LPP: variants seen among roughly 807,000 people sequenced by gnomAD.
The protein encoded by LPP is LIM domain containing preferred translocation partner in lipoma.
LPP carries 38 observed loss-of-function variants against 60.4 expected under a neutral mutation model. The ratio of observed to expected loss-of-function variants is 0.63; its 90% CI spans 0.49 to 0.83. The LOEUF is 0.83. Among genes scored for constraint, LPP ranks in the 40% least tolerant of loss-of-function variants. The pLI, the probability that LPP is intolerant of heterozygous loss-of-function variation, is 0.00. For synonymous variants in LPP, 328 were observed against 290.8 expected (o/e 1.13, Z -1.30); for missense variants, 902 against 783.6 (o/e 1.15, Z -1.80).
intron 7 of LPP, among the ~76,000 whole-genome samples, chr3:188,652,030 C>G (rs926939704): frequency 6.6e-6 from 1 of 152,152 alleles, no homozygotes; most frequent in Non-Finnish European, 1.5e-5. Context: ...AGTTACCTGA[C>G]CCTACCTCTG....
chr3:188,596,606 C>G (rs1580263332), intron 6 of LPP, among the ~76,000 whole-genome samples: 1 of 151,794 alleles, frequency 6.6e-6, no homozygotes, highest in Non-Finnish European at 1.5e-5. Context: ...AGAGTGTTTT[C>G]TGCAAAGAGG....
At chr3:188,224,512 G>C (rs1716991414) in intron 1 of LPP, among the ~76,000 whole-genome samples, 1 of 152,066 alleles carries the variant, frequency 6.6e-6, no homozygotes, top group Admixed American at 6.6e-5. Context: ...GGCTGTATTA[G>C]GCTATTCTAG....
chr3:188,526,664 G>A (rs1820671153), intron 6 of LPP, among the ~76,000 whole-genome samples: 1 of 152,148 alleles, frequency 6.6e-6, no homozygotes, highest in Admixed American at 6.5e-5. Flanking sequence ...TGGGATTCAT[G>A]GCAAAATATA....
intron 4 of LPP, among the ~76,000 whole-genome samples, chr3:188,406,669 C>T (rs779836435): frequency 3.3e-5 from 5 of 152,144 alleles, no homozygotes; most frequent in African/African-American, 1.2e-4. Flanking sequence ...TCCCTCTTGC[C>T]GTTGGACAAA....
At chr3:188,163,514 G>A (rs74768531) in intron 1 of LPP, among the ~76,000 whole-genome samples, 11,861 of 152,164 alleles carry the variant, frequency 0.078, 589 homozygotes, top group East Asian at 0.2. Context: ...CGGAGGATAC[G>A]TTATATGGTC....
chr3:188,748,019 A>G (rs1265814253), intron 8 of LPP, among the ~76,000 whole-genome samples: 2 of 152,156 alleles, frequency 1.3e-5, no homozygotes, highest in Non-Finnish European at 2.9e-5. Flanking sequence ...GTGTACTCAA[A>G]TCAGTCTTGC....
chr3:188,750,424 A>G (rs1384870547), intron 8 of LPP, among the ~76,000 whole-genome samples: 2 of 152,116 alleles, frequency 1.3e-5, no homozygotes, highest in African/African-American at 4.8e-5. Flanking sequence ...TGATGTCAGG[A>G]GTTTGAGACT....
At chr3:188,250,653 G>A (rs953253910) in intron 2 of LPP, among the ~76,000 whole-genome samples, 8 of 151,628 alleles carry the variant, frequency 5.3e-5, no homozygotes, top group Non-Finnish European at 1.0e-4. Flanking sequence ...TACTGTATGC[G>A]GGAGCCCCTT....
At chr3:188,556,579 C>T (rs1214928677) in intron 6 of LPP, among the ~76,000 whole-genome samples, 2 of 151,874 alleles carry the variant, frequency 1.3e-5, no homozygotes, top group East Asian at 1.9e-4. Context: ...GTGCTTGAGT[C>T]GGTTGCACTA....
intron 8 of LPP, among the ~76,000 whole-genome samples, chr3:188,721,617 G>A (rs1341213665): frequency 6.6e-6 from 1 of 152,130 alleles, no homozygotes; most frequent in Admixed American, 6.5e-5. Context: ...TTGAAATATT[G>A]AGAAATGTGG....
intron 7 of LPP, among the ~76,000 whole-genome samples, chr3:188,700,489 G>A (rs1382214020): frequency 6.6e-6 from 1 of 152,216 alleles, no homozygotes; most frequent in Non-Finnish European, 1.5e-5. Flanking sequence ...GGAGCCATTT[G>A]CACCTTAGTG....
In LPP at chr3:188,878,759, T is replaced by TAAAAAAAAAAAAAAAAAAAAAAAAA. The variant is rs11448997; in HGVS notation, c.*4296_*4297insAAAAAAAAAAAAAAAAAAAAAAAAA. On this transcript the variant is annotated 3_prime_UTR_variant, in exon 12 of 12. Coordinates refer to ENST00000617246, the MANE Select transcript of LPP (RefSeq NM_001375462.1). Reference sequence around the variant, plus strand: ...ATATACTCACCAAAAAGTAAAAAAGTAAAAAAAAAAAAAAAAGAAAGAAAG... The same window carrying TAAAAAAAAAAAAAAAAAAAAAAAAA: ...ATATACTCACCAAAAAGTAAAAAAGTAAAAAAAAAAAAAAAAAAAAAAAAAAAAAAAAAAAAAAAAAGAAAGAAAG... The TAAAAAAAAAAAAAAAAAAAAAAAAA allele has an allele frequency of 1.3e-5, 2 of 153,950 alleles. No individual in the cohort carries two copies. Among genetic ancestry groups the TAAAAAAAAAAAAAAAAAAAAAAAAA allele is most frequent in the Non-Finnish European group, 1.3e-5 (1 of 76,416 alleles). The allele number at this position is 153,950 out of a possible 1,614,324, so 9.5% of individuals were successfully genotyped here.
At chr3:188,368,300 C>G (rs917848173) in intron 3 of LPP, among the ~76,000 whole-genome samples, 3 of 152,046 alleles carry the variant, frequency 2.0e-5, no homozygotes, top group Admixed American at 2.0e-4. Flanking sequence ...CTGTGGCATA[C>G]TTTTTTTGCA....
intron 3 of LPP, among the ~76,000 whole-genome samples, chr3:188,395,927 T>A (rs965672697): frequency 8.7e-3 from 17 of 1,962 alleles, no homozygotes; most frequent in African/African-American, 0.015. Flanking sequence ...ATAATAATAA[T>A]GATAATAATA....
intron 9 of LPP, among the ~76,000 whole-genome samples, chr3:188,803,329 A>C (rs1336853691): frequency 6.6e-6 from 1 of 152,142 alleles, no homozygotes; most frequent in Non-Finnish European, 1.5e-5. Flanking sequence ...CACTATGCTC[A>C]ACTTGTTGTA....
intron 3 of LPP, among the ~76,000 whole-genome samples, chr3:188,366,022 C>A (rs921966430): frequency 6.6e-6 from 1 of 152,186 alleles, no homozygotes; most frequent in Admixed American, 6.5e-5. Context: ...CTGGATCTCC[C>A]TTTGACCAAG....
At chr3:188,580,549 A>C (rs995731553) in intron 6 of LPP, among the ~76,000 whole-genome samples, 4 of 152,168 alleles carry the variant, frequency 2.6e-5, no homozygotes, top group African/African-American at 9.7e-5. Flanking sequence ...TAGTGTTCTC[A>C]GCTTATACTA....
At chr3:188,388,498 G>A (rs1778899253) in intron 3 of LPP, among the ~76,000 whole-genome samples, 1 of 152,126 alleles carries the variant, frequency 6.6e-6, no homozygotes, top group Non-Finnish European at 1.5e-5. Flanking sequence ...AGGTGGTGCT[G>A]GAATAGATGG....
At chr3:188,666,657 T>C (rs553354742) in intron 7 of LPP, among the ~76,000 whole-genome samples, 2 of 152,348 alleles carry the variant, frequency 1.3e-5, no homozygotes, top group African/African-American at 4.8e-5. Flanking sequence ...GAGCCATCAT[T>C]TATTCAACAG....
Sources: gnomAD v4.1 joint callset for allele counts (sites outside exome capture counted in the v4.1 genomes callset) on GRCh38, gnomAD v4.1.1 for gene constraint, MANE v1.5 for transcripts, NCBI Gene and HGNC (gene_info 2026-07-23, HGNC 2026-07-21) for gene names.